Variants in ADCY5 observed in about 807,000 individuals in gnomAD.
ADCY5 encodes adenylate cyclase type 5.
In ADCY5, 30 loss-of-function variants were observed where a neutral mutation model predicts 119.7. That is an observed-to-expected ratio of 0.25 (90% CI 0.19 to 0.34). ADCY5 has a LOEUF of 0.34. Ranked by LOEUF, ADCY5 falls within the 10% of genes least tolerant of loss-of-function variation. ADCY5 has a pLI of 1.00. For synonymous variants in ADCY5, 753 were observed against 762.2 expected, an observed-to-expected ratio of 0.99 and a Z score of 0.20; for missense variants, 1,324 against 1,775.2, an observed-to-expected ratio of 0.75 and a Z score of 4.57.
intron 15 of ADCY5, among the ~76,000 whole-genome samples, chr3:123,298,591 C>T (rs1939655637): frequency 6.6e-6 from 1 of 152,128 alleles, no homozygotes; most frequent in Non-Finnish European, 1.5e-5. Flanking sequence ...GACTTAAACC[C>T]TTCATTACAC....
chr3:123,379,301 G>A (rs1312526245), intron 1 of ADCY5, among the ~76,000 whole-genome samples: 1 of 152,166 alleles, frequency 6.6e-6, no homozygotes, highest in Non-Finnish European at 1.5e-5. Context: ...AGTTCCAGGG[G>A]TTGGGGGTGG....
intron 17 of ADCY5, among the ~76,000 whole-genome samples, chr3:123,294,293 C>G (rs1044913356): frequency 6.6e-6 from 1 of 152,168 alleles, no homozygotes; most frequent in Non-Finnish European, 1.5e-5. Flanking sequence ...CAAGCAGGAG[C>G]CACCAATGGA....
Position 123,352,560 on chromosome 3 carries a change from A to G in ADCY5, c.1156T>C (p.Phe386Leu). 1 of 1,612,428 alleles carries G rather than the reference A, an allele frequency of 6.2e-7. No individual in the cohort carries two copies. Among genetic ancestry groups the G allele is most frequent in the Non-Finnish European group, 8.5e-7 (1 of 1,178,918 alleles). The change falls in exon 2 of 21, where the codon TTC becomes CTC. Residue 386 changes from phenylalanine (F) to leucine (L), a missense_variant. Physicochemically the swap from Phe to Leu is conservative, Grantham distance 22 (BLOSUM62 0). Around this residue, in one of 6 missense-constraint regions of ADCY5, gnomAD observed 585 missense variants for 569.9 expected, o/e 1.03. Coordinates refer to ENST00000462833, the MANE Select transcript of ADCY5 (RefSeq NM_183357.3). The surrounding 1 kb of genome is among the most constrained non-coding windows in gnomAD (Gnocchi z 4.8). ...ACACCCACGATGTTGGTGCAGGAGA[A>G]AATGAGAACATTGGAGACAAGCTGC... The part of the protein sequence containing the change: ...LKQLVSNVLI[F>L]SCTNIVGVCT...
At chr3:123,380,859 G>T (rs1392625388) in intron 1 of ADCY5, among the ~76,000 whole-genome samples, 1 of 152,246 alleles carries the variant, frequency 6.6e-6, no homozygotes, top group Non-Finnish European at 1.5e-5. Context: ...CGGCCTGAGA[G>T]ATACTTGCCA....
chr3:123,297,123 A>C, intron 16 of ADCY5: 1 of 1,441,600 alleles, frequency 6.9e-7, no homozygotes, highest in Non-Finnish European at 9.4e-7. Flanking sequence ...CGGTGATCCC[A>C]ACCACAGAGA....
chr3:123,415,985 T>C (rs1354887180), intron 1 of ADCY5, among the ~76,000 whole-genome samples: 1 of 152,164 alleles, frequency 6.6e-6, no homozygotes, highest in East Asian at 1.9e-4. Context: ...GGTTGAATGG[T>C]AGGTATACGG....
At chr3:123,366,954 A>G (rs898425777) in intron 1 of ADCY5, among the ~76,000 whole-genome samples, 1 of 152,234 alleles carries the variant, frequency 6.6e-6, no homozygotes, top group African/African-American at 2.4e-5. Context: ...ATTCCTCTCT[A>G]AATGGAGATG....
chr3:123,323,832 C>A (rs912949869), intron 8 of ADCY5, among the ~76,000 whole-genome samples: 2 of 151,994 alleles, frequency 1.3e-5, no homozygotes, highest in Non-Finnish European at 2.9e-5. Flanking sequence ...GCTAGTTTTC[C>A]TTTTTATTGT....
At chr3:123,292,548 C>T (rs1939216476) in intron 17 of ADCY5, among the ~76,000 whole-genome samples, 1 of 152,198 alleles carries the variant, frequency 6.6e-6, no homozygotes, top group Non-Finnish European at 1.5e-5. Flanking sequence ...TCCACCACCA[C>T]CCACAGAGGC....
In ADCY5 at chr3:123,296,199, T is replaced by C. The variant is rs771812569; in HGVS notation, c.2948A>G (p.Lys983Arg). The change falls in exon 17 of 21, where the codon AAG becomes AGG. Residue 983 changes from lysine to arginine, a missense_variant. Lys to Arg is a conservative substitution (Grantham distance 26, BLOSUM62 2). Around this residue, in one of 6 missense-constraint regions of ADCY5, gnomAD observed 424 missense variants for 546.8 expected, o/e 0.78. Transcript: ENST00000462833. ...GGGCGTCACCACCTTCAATGCCACCTTGGTTGCATGCTCAGGGCTGTGGGG... is the reference window on the plus strand; with the variant it reads ...GGGCGTCACCACCTTCAATGCCACCCTGGTTGCATGCTCAGGGCTGTGGGG... ...GTSQCPEHAT[K>R]VALKVVTPII... 1 of 1,613,864 alleles carries C rather than the reference T, an allele frequency of 6.2e-7. No individual in the cohort carries two copies. Among genetic ancestry groups the C allele is most frequent in the Non-Finnish European group, 8.5e-7 (1 of 1,179,986 alleles).
At chr3:123,316,331 A>G (rs968258648) in intron 11 of ADCY5, among the ~76,000 whole-genome samples, 1 of 152,240 alleles carries the variant, frequency 6.6e-6, no homozygotes, top group African/African-American at 2.4e-5. Context: ...GAGGGGACTG[A>G]GGACATGAAT....
At chr3:123,416,565 C>T (rs1426017788) in intron 1 of ADCY5, among the ~76,000 whole-genome samples, 1 of 152,188 alleles carries the variant, frequency 6.6e-6, no homozygotes, top group Non-Finnish European at 1.5e-5. Context: ...ATGCTGGGGA[C>T]AAGGCAGCCT....
At chr3:123,422,703 C>T (rs528471719) in intron 1 of ADCY5, among the ~76,000 whole-genome samples, 5 of 152,328 alleles carry the variant, frequency 3.3e-5, no homozygotes, top group African/African-American at 1.2e-4. Flanking sequence ...TAAGGACTCG[C>T]CTCCTCCCAG....
chr3:123,323,934 C>T (rs2108364471), intron 8 of ADCY5, among the ~76,000 whole-genome samples: 1 of 152,160 alleles, frequency 6.6e-6, no homozygotes, highest in African/African-American at 2.4e-5. Context: ...AGGAGACTAT[C>T]AAAGGGCTGG....
chr3:123,377,477 C>T (rs574224764), intron 1 of ADCY5, among the ~76,000 whole-genome samples: 1 of 152,130 alleles, frequency 6.6e-6, no homozygotes. Flanking sequence ...CAGAGTGGGT[C>T]CCCCCACAAC....
intron 1 of ADCY5, among the ~76,000 whole-genome samples, chr3:123,423,242 G>A (rs1297783624): frequency 6.6e-6 from 1 of 152,158 alleles, no homozygotes; most frequent in Non-Finnish European, 1.5e-5. Context: ...AGCCCAAGCT[G>A]GGCACAAGCT....
chr3:123,370,860 G>A (rs1347154122), intron 1 of ADCY5, among the ~76,000 whole-genome samples: 14 of 145,404 alleles, frequency 9.6e-5, no homozygotes, highest in Admixed American at 7.5e-4. Flanking sequence ...TTCCCACCAC[G>A]TGCTCTGGGG....
At chr3:123,304,437 G>A (rs548936896) in intron 12 of ADCY5, among the ~76,000 whole-genome samples, 1 of 152,188 alleles carries the variant, frequency 6.6e-6, no homozygotes, top group Non-Finnish European at 1.5e-5. Context: ...CCAGGTGAGA[G>A]AGGCAGGAAG....
intron 1 of ADCY5, among the ~76,000 whole-genome samples, chr3:123,416,602 TCTTA>T (rs1323361419): frequency 2.0e-5 from 3 of 152,088 alleles, no homozygotes; most frequent in African/African-American, 2.4e-5. Context: ...AACCCGTGGC[TCTTA>T]CTATTCACAA....
Sources: allele counts gnomAD v4.1 joint callset (sites outside exome capture counted in the v4.1 genomes callset), GRCh38; gene constraint gnomAD v4.1.1; regional missense constraint gnomAD v4.1.1; non-coding constraint Gnocchi (gnomAD v3.1); transcripts MANE v1.5; gene names NCBI Gene and HGNC (gene_info 2026-07-23, HGNC 2026-07-21).